Variants in STAT1 observed in about 807,000 individuals in gnomAD.
STAT1 encodes the protein signal transducer and activator of transcription 1-alpha/beta.
A neutral mutation model predicts 111.7 loss-of-function variants in STAT1; 24 were observed. The ratio of observed to expected loss-of-function variants is 0.21; its 90% CI spans 0.16 to 0.30. The LOEUF (loss-of-function observed/expected upper bound fraction) is 0.30, where lower values mean the gene tolerates loss of function less well. Ranked by LOEUF, STAT1 falls within the 10% of genes least tolerant of loss-of-function variation. The pLI, the probability that STAT1 is intolerant of heterozygous loss-of-function variation, is 1.00. For missense variants in STAT1, 351 were observed against 911.9 expected (o/e 0.38, Z 7.92); for synonymous variants, 332 against 326.5 (o/e 1.02, Z -0.18).
At chr2:190,985,327 A>T (rs1692718935) in intron 15 of STAT1, among the ~76,000 whole-genome samples, 1 of 152,222 alleles carries the variant, frequency 6.6e-6, no homozygotes, top group Admixed American at 6.5e-5. Flanking sequence ...AACTTCTGTG[A>T]GTCAATTTCT....
At chr2:191,008,752 C>T (rs1439608576) in intron 4 of STAT1, among the ~76,000 whole-genome samples, 1 of 152,102 alleles carries the variant, frequency 6.6e-6, no homozygotes, top group Non-Finnish European at 1.5e-5. Context: ...ACATTTAACC[C>T]TAAAAATTCC....
In STAT1 at chr2:190,979,195, A is replaced by T. The variant is rs1559007187; in HGVS notation, c.1728-194T>A. Among the ~76,000 whole-genome samples the T allele has an allele frequency of 6.6e-6, 1 of 152,216 alleles. No homozygotes were observed. The highest frequency in any genetic ancestry group is 1.5e-5 in the Non-Finnish European group (1 of 68,030). ...TTATACATGTATATACTAAGGTTTT[A>T]AAAAAAGCGATATGAACATGGTGTC... On this transcript the variant is annotated intron_variant, in intron 20 of 24. Coordinates refer to ENST00000361099, the MANE Select transcript of STAT1 (RefSeq NM_007315.4). This position sits in a 1 kb window ranked among gnomAD's most constrained non-coding sequence, Gnocchi z 5.8.
rs1426048696 is a variant in STAT1, at chr2:190,978,766, A to G, written c.1873+90T>C. ...TAAGATCTGCAATTTCATGTCCCAA[A>G]CGCACTATCTGTATGAGCTGACTGG... On this transcript the variant is annotated intron_variant, in intron 21 of 24. Transcript: ENST00000361099. The surrounding 1 kb of genome is among the most constrained non-coding windows in gnomAD (Gnocchi z 6.1). 15 of 1,533,744 alleles carry G rather than the reference A, an allele frequency of 9.8e-6. No homozygotes were observed. The Middle Eastern group carries it at 9.0e-4, about 92-fold the overall frequency.
rs1422094289 is a variant in STAT1 at position 191,000,742 on chromosome 2, T to C, written c.462+332A>G. ...ATGGGCCATGTTTATCCTGGGGCAC[T>C]GTGATTTGAGAGGTGTGGACATAAA... is the stretch of plus-strand genomic sequence containing the variant. On this transcript the variant is annotated intron_variant, in intron 6 of 24. Transcript: ENST00000361099. This position sits in a 1 kb window ranked among gnomAD's most constrained non-coding sequence, Gnocchi z 4.8. Among the ~76,000 whole-genome samples, 1 of 152,182 alleles carries C rather than the reference T, an allele frequency of 6.6e-6. No individual in the cohort carries two copies. Among genetic ancestry groups the C allele is most frequent in the Non-Finnish European group, 1.5e-5 (1 of 68,030 alleles).
chr2:190,971,121 CAG>C lies in STAT1; in HGVS notation c.2239-406_2239-405del, dbSNP rs1208226326. ...TGATACACTTCCCCTAAAGGCCACT[CAG>C]TGGGTAAAATCAATGACTGTGTTTC... On this transcript the variant is annotated intron_variant, in intron 24 of 24. Transcript: ENST00000361099. This position sits in a 1 kb window ranked among gnomAD's most constrained non-coding sequence, Gnocchi z 4.1. 9.8e-5 allele frequency among the ~76,000 whole-genome samples: 15 copies of C among 152,310 alleles called. No homozygotes were observed. The highest frequency in any genetic ancestry group is 3.6e-4 in the African/African-American group (15 of 41,562).
intron 10 of STAT1, among the ~76,000 whole-genome samples, chr2:190,994,545 T>C (rs940429085): frequency 4.6e-5 from 7 of 151,938 alleles, no homozygotes; most frequent in African/African-American, 1.7e-4. Flanking sequence ...GAGTGGAAGG[T>C]TACTATAGCT....
chr2:190,980,269 G>T lies in STAT1; in HGVS notation c.1632+351C>A, dbSNP rs1263557539. Among the ~76,000 whole-genome samples, 1 of 152,236 alleles carries T rather than the reference G, an allele frequency of 6.6e-6. No homozygotes were observed. Among genetic ancestry groups the T allele is most frequent in the Non-Finnish European group, 1.5e-5 (1 of 68,042 alleles). The stretch of plus-strand genomic sequence containing the variant: ...CGCAGTGGGCCCCTCTGCTCGAGCA[G>T]GCCGTTAAACTCGTCTGGCTGGTCA... On this transcript the variant is annotated intron_variant, in intron 19 of 24. Coordinates refer to ENST00000361099, the MANE Select transcript of STAT1 (RefSeq NM_007315.4). The surrounding 1 kb of genome is among the most constrained non-coding windows in gnomAD (Gnocchi z 6.1).
At chr2:191,009,213 G>A in intron 3 of STAT1, 106 bp from the exon 4 acceptor site, 1 of 1,337,604 alleles carries the variant, frequency 7.5e-7, no homozygotes, top group South Asian at 1.4e-5. Flanking sequence ...AATAATTTAA[G>A]TATTTTCTTA....
Position 190,989,538 on chromosome 2 carries a change from G to T in STAT1, c.1097+77C>A. On this transcript the variant is annotated intron_variant, in intron 12 of 24. Transcript: ENST00000361099. The surrounding 1 kb of genome is among the most constrained non-coding windows in gnomAD (Gnocchi z 5.0). Reference sequence around the variant, plus strand: ...ACAGCTAGAAATCTGCTTATTTAGTGGAGGAATCTGTGCTTGAGTAACAAA... The same window carrying T: ...ACAGCTAGAAATCTGCTTATTTAGTTGAGGAATCTGTGCTTGAGTAACAAA... 2 of 991,108 alleles carry T rather than the reference G, an allele frequency of 2.0e-6. No individual in the cohort carries two copies. The highest frequency in any genetic ancestry group is 3.1e-6 in the Non-Finnish European group (2 of 652,462). The allele number at this position is 991,108 out of a possible 1,614,324, so 61.4% of individuals were successfully genotyped here.
intron 4 of STAT1, among the ~76,000 whole-genome samples, chr2:191,008,427 C>G (rs1694869438): frequency 3.3e-5 from 5 of 152,202 alleles, no homozygotes. Context: ...AGCATGTTCT[C>G]TCATGTCTGG....
intron 12 of STAT1, among the ~76,000 whole-genome samples, chr2:190,988,785 T>G (rs139750507): frequency 2.4e-3 from 369 of 152,212 alleles, no homozygotes; most frequent in Middle Eastern, 0.02. Context: ...AGGAAGAATA[T>G]TCTTATAGGA....
At chr2:191,001,294 G>C in intron 5 of STAT1, 131 bp from the exon 6 acceptor site, 1 of 737,744 alleles carries the variant, frequency 1.4e-6, no homozygotes. Flanking sequence ...CTGCTTATGT[G>C]TCAATATGAA....
Position 190,970,797 on chromosome 2 carries a change from T to C in STAT1, c.2239-80A>G. On this transcript the variant is annotated intron_variant, in intron 24 of 24. Coordinates refer to ENST00000361099, the MANE Select transcript of STAT1 (RefSeq NM_007315.4). The surrounding 1 kb of genome is among the most constrained non-coding windows in gnomAD (Gnocchi z 5.4). ...ACTCATACATTAAACATTGCTTGTCTATTCTAGAATGAAGTAGTAGGAAGA... is the reference window on the plus strand; with the variant it reads ...ACTCATACATTAAACATTGCTTGTCCATTCTAGAATGAAGTAGTAGGAAGA... 1 of 1,364,884 alleles carries C rather than the reference T, an allele frequency of 7.3e-7. No homozygotes were observed. The highest frequency in any genetic ancestry group is 1.0e-6 in the Non-Finnish European group (1 of 957,128). 84.5% of individuals were successfully genotyped at this position (1,364,884 alleles called of 1,614,324 possible). A position where few individuals can be genotyped will look rare whatever the true frequency, so the allele number is the denominator to read the frequency against.
intron 1 of STAT1, 76 bp from the exon 2 acceptor site, chr2:191,013,754 T>C (rs750188982): frequency 1.5e-5 from 6 of 398,442 alleles, no homozygotes; most frequent in Non-Finnish European, 2.7e-5. Flanking sequence ...GAAGGTGCAG[T>C]GCCTTCTAGA....
rs372097623 is a variant in STAT1 at position 190,995,541 on chromosome 2, G to A, written c.786-322C>T. 7.9e-5 allele frequency among the ~76,000 whole-genome samples: 12 copies of A among 152,088 alleles called. No homozygotes were observed. The East Asian group carries it at 2.1e-3, about 27-fold the overall frequency. ...TCACTACCATGAGAACAGTATTGGG[G>A]GAACCACCCCCATGATTCAATTATC... On this transcript the variant is annotated intron_variant, in intron 9 of 24. Transcript: ENST00000361099. This position sits in a 1 kb window ranked among gnomAD's most constrained non-coding sequence, Gnocchi z 4.2.
Position 191,004,129 on chromosome 2 carries a change from C to T in STAT1, c.373-2966G>A, listed in dbSNP as rs942083703. Among the ~76,000 whole-genome samples, 2 of 152,198 alleles carry T rather than the reference C, an allele frequency of 1.3e-5. No individual in the cohort carries two copies. Among genetic ancestry groups the T allele is most frequent in the Non-Finnish European group, 2.9e-5 (2 of 68,036 alleles). ...CCTTGGTGCTCTCTTACCCCTTCCA[C>T]TCATCCCTCCCTGCTTCCCTCCACC... On this transcript the variant is annotated intron_variant, in intron 5 of 24. Coordinates refer to ENST00000361099, the MANE Select transcript of STAT1 (RefSeq NM_007315.4). The surrounding 1 kb of genome is among the most constrained non-coding windows in gnomAD (Gnocchi z 5.0).
chr2:190,992,793 CTTT>C (rs112075173), intron 10 of STAT1: 610 of 375,062 alleles, frequency 1.6e-3, no homozygotes, highest in South Asian at 4.2e-3. Flanking sequence ...TGCATTCTTT[CTTT>C]TTTTTTTTTT....
rs1482825345 is a variant in STAT1, at chr2:190,984,621, T to A, written c.1264-228A>T. Among the ~76,000 whole-genome samples the A allele has an allele frequency of 6.6e-6, 1 of 152,186 alleles. No individual in the cohort carries two copies. The highest frequency in any genetic ancestry group is 2.4e-5 in the African/African-American group (1 of 41,442). The stretch of plus-strand genomic sequence containing the variant: ...GGCAAGGGTTATAGATTCAGAGCAA[T>A]GATTGTCAATGGGGAAAGAGCAACT... On this transcript the variant is annotated intron_variant, in intron 15 of 24. Coordinates refer to ENST00000361099, the MANE Select transcript of STAT1 (RefSeq NM_007315.4). The surrounding 1 kb of genome is among the most constrained non-coding windows in gnomAD (Gnocchi z 5.2).
At position 191,006,138 on chromosome 2, in the gene STAT1, T is replaced by C. The variant is rs1256755522; in HGVS notation, c.372+1425A>G. Among the ~76,000 whole-genome samples the C allele has an allele frequency of 1.3e-5, 2 of 152,364 alleles. No individual in the cohort carries two copies. Among genetic ancestry groups the C allele is most frequent in the East Asian group, 3.9e-4 (2 of 5,190 alleles). On this transcript the variant is annotated intron_variant, in intron 5 of 24. Coordinates refer to ENST00000361099, the MANE Select transcript of STAT1 (RefSeq NM_007315.4). This position sits in a 1 kb window ranked among gnomAD's most constrained non-coding sequence, Gnocchi z 4.6. ...TTGTCCTTCTGCCCATCTTTGCTCC[T>C]GGCTGTCCTTTCAAGTCTATTAGAA...
Sources: allele counts gnomAD v4.1 joint callset (sites outside exome capture counted in the v4.1 genomes callset), GRCh38; gene constraint gnomAD v4.1.1; non-coding constraint Gnocchi (gnomAD v3.1); transcripts MANE v1.5; gene names NCBI Gene and HGNC (gene_info 2026-07-23, HGNC 2026-07-21).